Variants in F13A1 observed in about 807,000 individuals in gnomAD.
F13A1 encodes the protein coagulation factor XIII A chain, also known as FSF, A subunit.
F13A1 carries 47 observed loss-of-function variants against 80.1 expected under a neutral mutation model. The observed-to-expected ratio is 0.59, with a 90% CI of 0.46 to 0.75. F13A1 has a LOEUF of 0.75. Among genes scored for constraint, F13A1 ranks in the 30% least tolerant of loss-of-function variants. The probability of loss-of-function intolerance (pLI) is 0.00; values close to 1 mark genes in which losing one functional copy is unlikely to be tolerated. For synonymous variants in F13A1, 349 were observed against 344.9 expected, an observed-to-expected ratio of 1.01 and a Z score of -0.13; for missense variants, 817 against 930.4, an observed-to-expected ratio of 0.88 and a Z score of 1.59.
chr6:6,170,961 C>T (rs1408784889), intron 12 of F13A1, among the ~76,000 whole-genome samples: 1 of 152,168 alleles, frequency 6.6e-6, no homozygotes, highest in Non-Finnish European at 1.5e-5. Flanking sequence ...CTGGGGCTGG[C>T]CAAGCGAATG....
intron 13 of F13A1, among the ~76,000 whole-genome samples, chr6:6,161,280 C>T (rs1760568049): frequency 6.6e-6 from 1 of 152,070 alleles, no homozygotes; most frequent in African/African-American, 2.4e-5. Context: ...GCCACTGGCC[C>T]ACTTCAGGCC....
At chr6:6,229,107 C>A (rs1191977109) in intron 6 of F13A1, among the ~76,000 whole-genome samples, 1 of 152,082 alleles carries the variant, frequency 6.6e-6, no homozygotes. Flanking sequence ...ATCAAACTAA[C>A]CTTAGATTGA....
chr6:6,250,770 G>A lies in F13A1; in HGVS notation c.690+41C>T. On this transcript the variant is annotated intron_variant, in intron 5 of 14. Transcript: ENST00000264870. The surrounding 1 kb of genome is among the most constrained non-coding windows in gnomAD (Gnocchi z 4.2). ...GGATACATGTGACAAAAAATATGAA[G>A]TAAAAATGTCCTTGACAATAACAAA... is the stretch of plus-strand genomic sequence containing the variant. The A allele has an allele frequency of 1.5e-6, 2 of 1,340,432 alleles. No individual in the cohort carries two copies. The highest frequency in any genetic ancestry group is 2.1e-6 in the Non-Finnish European group (2 of 931,936). The allele number at this position is 1,340,432 out of a possible 1,614,324, so 83.0% of individuals were successfully genotyped here. A position where few individuals can be genotyped will look rare whatever the true frequency, so the allele number is the denominator to read the frequency against.
chr6:6,311,571 A>G (rs1758595460), intron 2 of F13A1, among the ~76,000 whole-genome samples: 1 of 148,422 alleles, frequency 6.7e-6, no homozygotes, highest in South Asian at 2.1e-4. Flanking sequence ...GTTTTTCCAT[A>G]GTGTAAACAA....
At chr6:6,239,654 A>C (rs780499294) in intron 6 of F13A1, among the ~76,000 whole-genome samples, 2 of 152,136 alleles carry the variant, frequency 1.3e-5, no homozygotes, top group Non-Finnish European at 2.9e-5. Flanking sequence ...GAGGATGCTC[A>C]TTTGGCCAAA....
intron 3 of F13A1, among the ~76,000 whole-genome samples, chr6:6,287,617 C>A (rs1292081421): frequency 6.6e-6 from 1 of 152,116 alleles, no homozygotes; most frequent in Non-Finnish European, 1.5e-5. Flanking sequence ...AAGACATCAG[C>A]GACTCTATTA....
At chr6:6,167,320 C>T (rs1314754665) in intron 13 of F13A1, 138 bp downstream of exon 13, 5 of 944,158 alleles carry the variant, frequency 5.3e-6, no homozygotes, top group Non-Finnish European at 8.0e-6. Context: ...GATCCTAGCA[C>T]TGGTATTTTT....
At chr6:6,265,509 T>C (rs73361884) in intron 4 of F13A1, among the ~76,000 whole-genome samples, 1,545 of 152,166 alleles carry the variant, frequency 0.01, 27 homozygotes, top group African/African-American at 0.035. Flanking sequence ...GAGGAGAAAA[T>C]GCTATGTGTG....
chr6:6,159,886 A>C (rs577995010), intron 13 of F13A1, among the ~76,000 whole-genome samples: 1 of 152,204 alleles, frequency 6.6e-6, no homozygotes, highest in Non-Finnish European at 1.5e-5. Flanking sequence ...GCTCAGGTTA[A>C]AACAGAGCAA....
intron 8 of F13A1, among the ~76,000 whole-genome samples, chr6:6,213,277 G>A (rs1156262672): frequency 6.6e-6 from 1 of 151,342 alleles, no homozygotes; most frequent in Non-Finnish European, 1.5e-5. Context: ...GGCAGCCAGA[G>A]AGAAAGGTCG....
intron 4 of F13A1, among the ~76,000 whole-genome samples, chr6:6,251,904 T>A (rs1203827186): frequency 1.3e-5 from 2 of 152,232 alleles, no homozygotes; most frequent in Non-Finnish European, 2.9e-5. Flanking sequence ...AATATATGTA[T>A]CTTCTGCCAG....
intron 11 of F13A1, among the ~76,000 whole-genome samples, chr6:6,180,731 A>G (rs1018528712): frequency 9.2e-5 from 14 of 152,212 alleles, no homozygotes; most frequent in African/African-American, 3.1e-4. Flanking sequence ...AATACAGTGA[A>G]AATTCACTAG....
chr6:6,192,704 T>C (rs1761222150), intron 10 of F13A1, among the ~76,000 whole-genome samples: 1 of 152,202 alleles, frequency 6.6e-6, no homozygotes, highest in Non-Finnish European at 1.5e-5. Context: ...GAGGAGGGCT[T>C]AGCTTCTTGA....
At chr6:6,252,294 A>T (rs1757643434) in intron 4 of F13A1, among the ~76,000 whole-genome samples, 1 of 114,956 alleles carries the variant, frequency 8.7e-6, no homozygotes, top group Non-Finnish European at 1.7e-5. Flanking sequence ...ATTTTTAGAC[A>T]TTGGGAAAAT....
Position 6,305,378 on chromosome 6 carries a change from C to A in F13A1, c.292G>T (p.Asp98Tyr), listed in dbSNP as rs1399897211. 6.2e-7 allele frequency: 1 copy of A among 1,614,088 alleles called. No homozygotes were observed. The highest frequency in any genetic ancestry group is 1.7e-5 in the Admixed American group (1 of 60,006). Residue 98 changes from aspartate (D) to tyrosine (Y), a missense_variant, in exon 3 of 15, where the codon GAT (aspartate) becomes TAT (tyrosine). Transcript: ENST00000264870. ...DFSRPYDPRRDLFRVEYVIGR... is the reference protein window; with the variant it reads ...DFSRPYDPRRYLFRVEYVIGR... ...ATGACGTATTCCACCCTGAAGAGAT[C>A]CCTTCTGGGGTCATATGGACGACTG... is the stretch of plus-strand genomic sequence containing the variant.
chr6:6,164,439 A>G (rs1760629289), intron 13 of F13A1, among the ~76,000 whole-genome samples: 1 of 152,058 alleles, frequency 6.6e-6, no homozygotes, highest in Non-Finnish European at 1.5e-5. Flanking sequence ...CCCCTGTGAC[A>G]CGTGTTTATC....
chr6:6,161,660 T>C (rs1185682363), intron 13 of F13A1, among the ~76,000 whole-genome samples: 1 of 152,016 alleles, frequency 6.6e-6, no homozygotes, highest in Non-Finnish European at 1.5e-5. Context: ...AATATTTTGA[T>C]AGCATGGGGA....
chr6:6,206,614 GGGA>G (rs1761493951), intron 8 of F13A1: 2 of 505,920 alleles, frequency 4.0e-6, no homozygotes, highest in South Asian at 3.0e-5. Context: ...TGAGAGGAAC[GGGA>G]GGAGAGTGTA....
chr6:6,167,323 GTATTTTTT>G, intron 13 of F13A1, 127 bp downstream of exon 13: 1 of 875,350 alleles, frequency 1.1e-6, no homozygotes, highest in Non-Finnish European at 1.7e-6. Context: ...CCTAGCACTG[GTATTTTTT>G]TTTTTTTTTT....
Sources: allele counts gnomAD v4.1 joint callset (sites outside exome capture counted in the v4.1 genomes callset), GRCh38; gene constraint gnomAD v4.1.1; non-coding constraint Gnocchi (gnomAD v3.1); transcripts MANE v1.5; gene names NCBI Gene and HGNC (gene_info 2026-07-23, HGNC 2026-07-21).